The following ATAD2 variants were observed in gnomAD, a reference collection of about 807,000 sequenced individuals.
The protein encoded by ATAD2 is ATPase family AAA domain containing 2, also known as ATPase family AAA domain-containing protein 2.
ATAD2 carries 62 observed loss-of-function variants against 168.9 expected under a neutral mutation model. The observed-to-expected ratio is 0.37, with a 90% CI of 0.30 to 0.45. The LOEUF (loss-of-function observed/expected upper bound fraction) is 0.45, where lower values mean the gene tolerates loss of function less well. Among genes scored for constraint, ATAD2 ranks in the 20% least tolerant of loss-of-function variants. ATAD2 has a pLI of 1.00. For synonymous variants in ATAD2, 613 were observed against 571.6 expected, an observed-to-expected ratio of 1.07 and a Z score of -1.03; for missense variants, 1,419 against 1,667.8, an observed-to-expected ratio of 0.85 and a Z score of 2.60.
chr8:123,320,993 G>C lies in ATAD2; in HGVS notation c.*141C>G. On this transcript the variant is annotated 3_prime_UTR_variant, in exon 28 of 28. Coordinates refer to ENST00000287394, the MANE Select transcript of ATAD2 (RefSeq NM_014109.4). ...TATCTTAATATGTACATAAATATCAGGAAAGTTTAAATACTTTTATTTTAC... is the reference window on the plus strand; with the variant it reads ...TATCTTAATATGTACATAAATATCACGAAAGTTTAAATACTTTTATTTTAC... 1 of 724,076 alleles carries C rather than the reference G, an allele frequency of 1.4e-6. No individual in the cohort carries two copies. Among genetic ancestry groups the C allele is most frequent in the South Asian group, 1.8e-5 (1 of 57,026 alleles). The allele number at this position is 724,076 out of a possible 1,614,324, so 44.9% of individuals were successfully genotyped here. A position where few individuals can be genotyped will look rare whatever the true frequency, so the allele number is the denominator to read the frequency against.
rs751629439 is a variant in ATAD2 at position 123,396,395 on chromosome 8, A to G, written c.-38T>C. 7.2e-6 allele frequency: 11 copies of G among 1,524,688 alleles called. No homozygotes were observed. The Admixed American group carries it at 1.2e-4, about 16-fold the overall frequency. The allele number at this position is 1,524,688 out of a possible 1,614,324, so 94.4% of individuals were successfully genotyped here. A position where few individuals can be genotyped will look rare whatever the true frequency, so the allele number is the denominator to read the frequency against. ...CTGGCCTCGGCGTGCGCGACCGGAG[A>G]GAGATCCAGCTCCAGGCGCTCGCAG... is the stretch of plus-strand genomic sequence containing the variant. On this transcript the variant is annotated 5_prime_UTR_variant, in exon 1 of 28. Transcript: ENST00000287394.
chr8:123,330,654 G>A (rs552284801), intron 24 of ATAD2, among the ~76,000 whole-genome samples: 45 of 152,216 alleles, frequency 3.0e-4, no homozygotes, highest in African/African-American at 8.7e-4. Context: ...GAGCCACCGC[G>A]CCTGGCCCTA....
At chr8:123,407,042 T>C (rs1813077481) in intron 1 of ATAD2, among the ~76,000 whole-genome samples, 1 of 152,018 alleles carries the variant, frequency 6.6e-6, no homozygotes, top group Non-Finnish European at 1.5e-5. Context: ...CATAGAGAGA[T>C]TGGTGCATAC....
rs529764652 is a variant in ATAD2, at chr8:123,402,377, TTGCTGCAGCC to T, written c.-2281-1212_-2281-1203del. Among the ~76,000 whole-genome samples, 81 of 152,186 alleles carry T rather than the reference TTGCTGCAGCC, an allele frequency of 5.3e-4. No homozygotes were observed. Among genetic ancestry groups the T allele is most frequent in the African/African-American group, 1.6e-3 (67 of 41,556 alleles). ...TCAGGCCCTACGCCTGCTTCAGGTC[TTGCTGCAGCC>T]TGCTGCAGCCTGGCCCCCACCCCAG... On this transcript the variant is annotated intron_variant, in intron 1 of 28. Coordinates refer to the ATAD2 transcript ENST00000521903. This position sits in a 1 kb window ranked among gnomAD's most constrained non-coding sequence, Gnocchi z 4.8.
chr8:123,348,197 G>A lies in ATAD2; in HGVS notation c.1883C>T (p.Ala628Val). Residue 628 changes from alanine to valine, a missense_variant, in exon 15 of 28, where the codon GCA becomes GTA. Physicochemically the swap from Ala to Val is moderately conservative, Grantham distance 64 (BLOSUM62 0). Transcript: ENST00000287394. ...KPLDTFLEELAENCVGYCGAD... is the reference protein window; with the variant it reads ...KPLDTFLEELVENCVGYCGAD... The stretch of plus-strand genomic sequence containing the variant: ...ACAATGTTTACCAACACAGTTTTCT[G>A]CTAGCTCTTCTAAAAATGTGTCCAG... The A allele has an allele frequency of 1.3e-6, 2 of 1,593,642 alleles. No homozygotes were observed. Among genetic ancestry groups the A allele is most frequent in the Non-Finnish European group, 1.7e-6 (2 of 1,172,310 alleles).
chr8:123,415,471 T>C (rs1041758542), intron 1 of ATAD2, among the ~76,000 whole-genome samples: 1 of 152,232 alleles, frequency 6.6e-6, no homozygotes, highest in Admixed American at 6.5e-5. Flanking sequence ...GTTTTTATAA[T>C]GGGAAGTACC....
chr8:123,328,911 T>C (rs1256789125), intron 24 of ATAD2, among the ~76,000 whole-genome samples: 1 of 150,938 alleles, frequency 6.6e-6, no homozygotes, highest in Non-Finnish European at 1.5e-5. Flanking sequence ...TGCCATTCTC[T>C]TGCCTCAGCC....
rs776116570 is a variant in ATAD2, at chr8:123,361,573, G to A, written c.1123C>T (p.Arg375Trp). 7 of 1,612,898 alleles carry A rather than the reference G, an allele frequency of 4.3e-6. No homozygotes were observed. The highest frequency in any genetic ancestry group is 4.0e-5 in the African/African-American group (3 of 74,834). Reference sequence around the variant, plus strand: ...GCCCTATTACGACTCCTTTTCCTCCGCCTCTCAAAGTGCTGTTCATCTTCA... The same window carrying A: ...GCCCTATTACGACTCCTTTTCCTCCACCTCTCAAAGTGCTGTTCATCTTCA... ...SSEDEQHFER[R>W]RKRSRNRAIN... Residue 375 changes from arginine to tryptophan, a missense_variant, in exon 9 of 28, where the codon CGG (arginine) becomes TGG (tryptophan). This residue lies in a region of ATAD2 where 146 missense variants were observed against 188.3 expected (regional missense o/e 0.78). Coordinates refer to ENST00000287394, the MANE Select transcript of ATAD2 (RefSeq NM_014109.4).
At chr8:123,407,549 C>T (rs1361888945) in intron 1 of ATAD2, among the ~76,000 whole-genome samples, 1 of 151,632 alleles carries the variant, frequency 6.6e-6, no homozygotes, top group African/African-American at 2.4e-5. Context: ...CATGGTAAAA[C>T]CCCATCTCTA....
At chr8:123,336,163 A>G (rs1412482790) in intron 22 of ATAD2, among the ~76,000 whole-genome samples, 3 of 152,196 alleles carry the variant, frequency 2.0e-5, no homozygotes, top group Admixed American at 6.5e-5. Flanking sequence ...CCTGCATTCA[A>G]ATTCTCACTC....
intron 1 of ATAD2, among the ~76,000 whole-genome samples, chr8:123,384,343 T>G (rs971662769): frequency 2.0e-5 from 3 of 152,232 alleles, no homozygotes; most frequent in African/African-American, 7.2e-5. Context: ...ATAAAAACAA[T>G]GCAACCGATA....
chr8:123,380,876 G>A (rs1829474668), intron 1 of ATAD2, 199 bp from the exon 2 acceptor site: 2 of 556,256 alleles, frequency 3.6e-6, no homozygotes, highest in Admixed American at 3.3e-5. Context: ...TGTCTATGAA[G>A]CAGCTAATAT....
intron 2 of ATAD2, among the ~76,000 whole-genome samples, chr8:123,377,193 T>TG (rs976478848): frequency 5.4e-5 from 8 of 148,482 alleles, no homozygotes; most frequent in Admixed American, 4.1e-4. Context: ...CACTTGAGCC[T>TG]GGGGGGTTGA....
chr8:123,348,205 T>G lies in ATAD2; in HGVS notation c.1875A>C (p.Glu625Asp), dbSNP rs1407484483. 6.3e-7 allele frequency: 1 copy of G among 1,598,836 alleles called. No homozygotes were observed. The highest frequency in any genetic ancestry group is 8.5e-7 in the Non-Finnish European group (1 of 1,175,202). ...TACCAACACAGTTTTCTGCTAGCTC[T>G]TCTAAAAATGTGTCCAGTGGTTTGG... is the stretch of plus-strand genomic sequence containing the variant. Reference protein sequence around the residue: ...WNPKPLDTFLEELAENCVGYC... With the variant: ...WNPKPLDTFLDELAENCVGYC... Residue 625 changes from glutamate (E) to aspartate (D), a missense_variant, in exon 15 of 28, where the codon GAA becomes GAC. Transcript: ENST00000287394.
At position 123,353,497 on chromosome 8, in the gene ATAD2, T is replaced by C. The variant is rs369477690; in HGVS notation, c.1646+2892A>G. 1.1e-4 allele frequency among the ~76,000 whole-genome samples: 16 copies of C among 152,196 alleles called. No individual in the cohort carries two copies. The East Asian group carries it at 2.3e-3, about 22-fold the overall frequency. On this transcript the variant is annotated intron_variant, in intron 13 of 27. Transcript: ENST00000287394. ...GTAGTCACTATTTTTGATGCTCAAA[T>C]TGTTTCATCTTCAGCCAGTGAGAGA...
At chr8:123,411,693 C>G (rs374793911) in intron 1 of ATAD2, among the ~76,000 whole-genome samples, 3 of 152,280 alleles carry the variant, frequency 2.0e-5, no homozygotes, top group African/African-American at 7.2e-5. Flanking sequence ...ACGGCAACCC[C>G]CTTTGGGTCC....
At position 123,402,213 on chromosome 8, in the gene ATAD2, C is replaced by T; in HGVS notation, c.-2281-1038G>A. ...GGTCCACAGATTTGCACTACGGGTT[C>T]CCCAGCTCCTTTCCAGGGAGAGAGG... On this transcript the variant is annotated intron_variant, in intron 1 of 28. Transcript: ENST00000521903. The surrounding 1 kb of genome is among the most constrained non-coding windows in gnomAD (Gnocchi z 4.8). 6.5e-6 allele frequency: 4 copies of T among 612,458 alleles called. No individual in the cohort carries two copies. Among genetic ancestry groups the T allele is most frequent in the Non-Finnish European group, 1.2e-5 (4 of 337,968 alleles). 37.9% of individuals were successfully genotyped at this position (612,458 alleles called of 1,614,324 possible).
intron 27 of ATAD2, among the ~76,000 whole-genome samples, chr8:123,321,987 CTTTT>C (rs869048943): frequency 1.5e-5 from 2 of 136,454 alleles, no homozygotes; most frequent in Non-Finnish European, 1.6e-5. Context: ...GTACATAAGT[CTTTT>C]TTTTTTTTTT....
At chr8:123,330,393 C>G (rs1044498976) in intron 24 of ATAD2, among the ~76,000 whole-genome samples, 1 of 151,948 alleles carries the variant, frequency 6.6e-6, no homozygotes, top group African/African-American at 2.4e-5. Flanking sequence ...GAGATGGAGT[C>G]TTGCTCTGTC....
Sources: allele counts gnomAD v4.1 joint callset (sites outside exome capture counted in the v4.1 genomes callset), GRCh38; gene constraint gnomAD v4.1.1; regional missense constraint gnomAD v4.1.1; non-coding constraint Gnocchi (gnomAD v3.1); transcripts MANE v1.5; gene names NCBI Gene and HGNC (gene_info 2026-07-23, HGNC 2026-07-21).